CNKSR3: variants seen among roughly 807,000 people sequenced by gnomAD.
CNKSR3 encodes the protein CNKSR family member 3.
A neutral mutation model predicts 67.7 loss-of-function variants in CNKSR3; 36 were observed. The observed-to-expected ratio is 0.53, with a 90% CI of 0.41 to 0.70. The LOEUF (loss-of-function observed/expected upper bound fraction) is 0.70. Ranked by LOEUF, CNKSR3 falls within the 30% of genes least tolerant of loss-of-function variation. CNKSR3 has a pLI of 0.00. For synonymous variants in CNKSR3, 281 were observed against 271.4 expected (o/e 1.04, Z -0.35); for missense variants, 630 against 695.2 (o/e 0.91, Z 1.05).
Position 154,404,553 on chromosome 6 carries a change from C to T in CNKSR3, c.*1801G>A, listed in dbSNP as rs1316266553. The T allele has an allele frequency of 2.0e-5, 3 of 151,168 alleles. No homozygotes were observed. The highest frequency in any genetic ancestry group is 7.3e-5 in the African/African-American group (3 of 41,138). 9.4% of individuals were successfully genotyped at this position (151,168 alleles called of 1,614,324 possible). On this transcript the variant is annotated 3_prime_UTR_variant, in exon 13 of 13. Transcript: ENST00000607772. ...AGAGAAGAAAACAGCCAGACTGAGC[C>T]GGGTGTGGTGGCTCATGCCTGTAAT...
chr6:154,475,488 C>T (rs7751401), intron 1 of CNKSR3, among the ~76,000 whole-genome samples: 7 of 152,150 alleles, frequency 4.6e-5, no homozygotes, highest in South Asian at 4.1e-4. Context: ...CCCTACCCAC[C>T]GGCATGTATA....
chr6:154,422,289 C>A (rs1262701728), intron 9 of CNKSR3, among the ~76,000 whole-genome samples: 1 of 152,184 alleles, frequency 6.6e-6, no homozygotes, highest in Non-Finnish European at 1.5e-5. Flanking sequence ...CCGCGCCTGG[C>A]CTCATTCTTT....
chr6:154,475,304 G>A (rs561540921), intron 1 of CNKSR3, among the ~76,000 whole-genome samples: 8 of 151,986 alleles, frequency 5.3e-5, no homozygotes, highest in Non-Finnish European at 8.8e-5. Context: ...TCTCCACCTC[G>A]TCCCTCCTGG....
chr6:154,433,196 T>C (rs1355525288), intron 5 of CNKSR3, among the ~76,000 whole-genome samples: 2 of 152,144 alleles, frequency 1.3e-5, no homozygotes, highest in East Asian at 1.9e-4. Flanking sequence ...GCTAGCAATA[T>C]ACATATAACT....
At chr6:154,447,539 G>A (rs1785733028) in intron 2 of CNKSR3, among the ~76,000 whole-genome samples, 1 of 152,172 alleles carries the variant, frequency 6.6e-6, no homozygotes, top group Non-Finnish European at 1.5e-5. Flanking sequence ...GTTCACAAAA[G>A]ATGGTTTCTC....
chr6:154,475,063 G>C (rs984363581), intron 1 of CNKSR3, among the ~76,000 whole-genome samples: 2 of 152,174 alleles, frequency 1.3e-5, no homozygotes, highest in African/African-American at 4.8e-5. Context: ...TGAAAAGTCT[G>C]CAAGATCACT....
At chr6:154,466,552 G>C (rs1335428935) in intron 1 of CNKSR3, among the ~76,000 whole-genome samples, 1 of 152,130 alleles carries the variant, frequency 6.6e-6, no homozygotes, top group East Asian at 1.9e-4. Flanking sequence ...TGGGGATGGG[G>C]GGATGTGGGG....
rs757670075 is a variant in CNKSR3 at position 154,406,376 on chromosome 6, C to A, written c.1646G>T (p.Arg549Leu). Reference sequence around the variant, plus strand: ...CTCTCAGTGAGTCAACAGTTTGAGGCGCGTAAACCAGCTGACCAGGAGGGA... The same window carrying A: ...CTCTCAGTGAGTCAACAGTTTGAGGAGCGTAAACCAGCTGACCAGGAGGGA... ...EPSLLVSWFT[R>L]LKLLTH Residue 549 changes from arginine to leucine, a missense_variant, in exon 13 of 13, where the codon CGC becomes CTC. Physicochemically the swap from Arg to Leu is moderately radical, Grantham distance 102. Coordinates refer to ENST00000607772, the MANE Select transcript of CNKSR3 (RefSeq NM_173515.4). The A allele has an allele frequency of 6.2e-7, 1 of 1,613,122 alleles. No homozygotes were observed. The highest frequency in any genetic ancestry group is 8.5e-7 in the Non-Finnish European group (1 of 1,179,738).
rs548152585 is a variant in CNKSR3, at chr6:154,419,032, CT to C, written c.945+3473del. Among the ~76,000 whole-genome samples the C allele has an allele frequency of 5.0e-3, 607 of 122,110 alleles. 2 individuals are homozygous for C. Among genetic ancestry groups the C allele is most frequent in the Middle Eastern group, 0.01 (2 of 200 alleles). 80.1% of individuals were successfully genotyped at this position (122,110 alleles called of 152,430 possible). ...GACCTGAATTGACATTACTCTCTTGCTTTTTTTTTTTTTTTTTCTTTTTTTG... is the reference window on the plus strand; with the variant it reads ...GACCTGAATTGACATTACTCTCTTGCTTTTTTTTTTTTTTTTCTTTTTTTG... On this transcript the variant is annotated intron_variant, in intron 9 of 12. Coordinates refer to ENST00000607772, the MANE Select transcript of CNKSR3 (RefSeq NM_173515.4).
intron 1 of CNKSR3, among the ~76,000 whole-genome samples, chr6:154,483,080 T>C (rs1487595306): frequency 6.6e-6 from 1 of 152,174 alleles, no homozygotes. Context: ...CATCCACACC[T>C]TTACCCCAGT....
intron 1 of CNKSR3, among the ~76,000 whole-genome samples, chr6:154,463,831 G>C (rs1036003268): frequency 6.6e-6 from 1 of 152,284 alleles, no homozygotes; most frequent in African/African-American, 2.4e-5. Context: ...AAATGCAGGA[G>C]CTGGGAAGGT....
chr6:154,476,091 C>T (rs1259303136), intron 1 of CNKSR3, among the ~76,000 whole-genome samples: 1 of 152,110 alleles, frequency 6.6e-6, no homozygotes, highest in Admixed American at 6.5e-5. Context: ...ATGAGTCCTC[C>T]TTCTTTGAAA....
Position 154,394,070 on chromosome 6 carries a change from G to A in CNKSR3, c.*12284C>T, listed in dbSNP as rs1784634025. 6.6e-6 allele frequency: 1 copy of A among 152,180 alleles called. No homozygotes were observed. Among genetic ancestry groups the A allele is most frequent in the Admixed American group, 6.5e-5 (1 of 15,272 alleles). The allele number at this position is 152,180 out of a possible 1,614,324, so 9.4% of individuals were successfully genotyped here. A position where few individuals can be genotyped will look rare whatever the true frequency, so the allele number is the denominator to read the frequency against. The stretch of plus-strand genomic sequence containing the variant: ...GTTTTGCTTTGTCATCCAGACTGGA[G>A]TGCAGTGGTGTAAACCTGGTTTACT... On this transcript the variant is annotated 3_prime_UTR_variant, in exon 13 of 13. Coordinates refer to ENST00000607772, the MANE Select transcript of CNKSR3 (RefSeq NM_173515.4).
intron 1 of CNKSR3, among the ~76,000 whole-genome samples, chr6:154,500,555 C>T (rs1166530874): frequency 2.0e-5 from 3 of 152,088 alleles, no homozygotes; most frequent in African/African-American, 7.2e-5. Context: ...TCCTTAAGTT[C>T]CCTCTCCCAC....
chr6:154,481,762 A>C (rs1254042976), intron 1 of CNKSR3, among the ~76,000 whole-genome samples: 1 of 152,248 alleles, frequency 6.6e-6, no homozygotes, highest in Non-Finnish European at 1.5e-5. Flanking sequence ...TTATCAGGCC[A>C]AGAAGGCATC....
intron 1 of CNKSR3, among the ~76,000 whole-genome samples, chr6:154,472,788 T>A (rs1245875224): frequency 3.2e-5 from 4 of 123,786 alleles, no homozygotes; most frequent in Admixed American, 9.0e-5. Context: ...CCACTAAGAG[T>A]ACATCTTTAA....
At chr6:154,419,209 A>C (rs746311171) in intron 9 of CNKSR3, among the ~76,000 whole-genome samples, 14 of 151,880 alleles carry the variant, frequency 9.2e-5, no homozygotes, top group Non-Finnish European at 1.9e-4. Context: ...AGTTGGTTTT[A>C]AAAAATAAAA....
chr6:154,444,675 G>A (rs1260800210), intron 2 of CNKSR3, among the ~76,000 whole-genome samples: 2 of 147,476 alleles, frequency 1.4e-5, no homozygotes, highest in African/African-American at 2.5e-5. Flanking sequence ...GTGTGATCTC[G>A]GCTCACTGCA....
chr6:154,501,879 A>G (rs1457202463), intron 1 of CNKSR3, among the ~76,000 whole-genome samples: 1 of 152,234 alleles, frequency 6.6e-6, no homozygotes, highest in Non-Finnish European at 1.5e-5. Flanking sequence ...ACAGGGGGAA[A>G]GCGTCCAAGG....
Sources: allele counts gnomAD v4.1 joint callset (sites outside exome capture counted in the v4.1 genomes callset), GRCh38; gene constraint gnomAD v4.1.1; transcripts MANE v1.5; gene names NCBI Gene and HGNC (gene_info 2026-07-23, HGNC 2026-07-21).